The following TNNI3K variants were observed in gnomAD, a reference collection of about 807,000 sequenced individuals.
TNNI3K encodes TNNI3 interacting kinase.
TNNI3K carries 140 observed loss-of-function variants against 114.5 expected under a neutral mutation model. The observed-to-expected ratio is 1.22, with a 90% CI of 1.07 to 1.41. The LOEUF (loss-of-function observed/expected upper bound fraction) is 1.41. Among genes scored for constraint, TNNI3K ranks in the 40% most tolerant of loss-of-function variants. The pLI, the probability that TNNI3K is intolerant of heterozygous loss-of-function variation, is 0.00. For missense variants in TNNI3K, 1,125 were observed against 1,007.6 expected (o/e 1.12, Z -1.58); for synonymous variants, 347 against 347.5 (o/e 1.00, Z 0.02).
At position 74,422,974 on chromosome 1, in the gene TNNI3K, A is replaced by G. The variant is rs563035364; in HGVS notation, c.1773-13106A>G. ...CTTTCGGCTTTGTCTCAGTTGGTGG[A>G]TTCATGAGTAACCTGATCACATAAA... On this transcript the variant is annotated intron_variant, in intron 17 of 24. Transcript: ENST00000326637. Among the ~76,000 whole-genome samples, 6 of 152,294 alleles carry G rather than the reference A, an allele frequency of 3.9e-5. No homozygotes were observed. The South Asian group carries it at 1.0e-3, about 26-fold the overall frequency.
chr1:74,354,003 G>T lies in TNNI3K; in HGVS notation c.1051G>T (p.Gly351Cys), dbSNP rs777466193. 4 of 1,613,300 alleles carry T rather than the reference G, an allele frequency of 2.5e-6. No individual in the cohort carries two copies. Among genetic ancestry groups the T allele is most frequent in the South Asian group, 1.1e-5 (1 of 90,998 alleles). ...AGGATTACACTCTGCTTGCTACCAC[G>T]GTCACATTCGCCTGGTTCAGTTCTT... ...HTGLHSACYH[G>C]HIRLVQFLLD... is the part of the protein sequence containing the mutation. The change falls in exon 11 of 25, where the codon GGT becomes TGT. Residue 351 changes from glycine to cysteine, a missense_variant. Physicochemically the swap from Gly to Cys is radical, Grantham distance 159. Coordinates refer to ENST00000326637, the MANE Select transcript of TNNI3K (RefSeq NM_015978.3).
chr1:74,439,621 A>G lies in TNNI3K; in HGVS notation c.2010A>G (p.Pro670=), dbSNP rs1666288466. 1.2e-6 allele frequency: 2 copies of G among 1,613,250 alleles called. No individual in the cohort carries two copies. Among genetic ancestry groups the G allele is most frequent in the Admixed American group, 1.7e-5 (1 of 59,864 alleles). The change falls in exon 20 of 25, where the codon CCA becomes CCG. Residue 670 remains proline (P), a splice_region_variant and synonymous_variant. Coordinates refer to ENST00000326637, the MANE Select transcript of TNNI3K (RefSeq NM_015978.3). ...TGEIPFAHLK[P]AAAAADMAYH... is the part of the protein sequence containing the mutation. ...AAATTCCATTCGCTCATCTCAAGCC[A>G]GGTAAGACACACTGCAATTGAAGTT...
In TNNI3K at chr1:74,518,690, A is replaced by ATATT. The variant is rs1429816101; in HGVS notation, c.2352-21544_2352-21543insTATT. Among the ~76,000 whole-genome samples the ATATT allele has an allele frequency of 2.8e-4, 42 of 152,246 alleles. 1 individual carries two copies. In the South Asian group the frequency reaches 4.8e-3, roughly 17 times the overall value. On this transcript the variant is annotated intron_variant, in intron 23 of 24. Transcript: ENST00000326637. Reference sequence around the variant, plus strand: ...GTTTTCAAAACAATATCTGTTTTTTAAGCTCAAAATTATTATATTAGTGTT... The same window carrying ATATT: ...GTTTTCAAAACAATATCTGTTTTTTATATTAGCTCAAAATTATTATATTAGTGTT...
At chr1:74,328,069 GA>G (rs1350740743) in intron 5 of TNNI3K, among the ~76,000 whole-genome samples, 14 of 152,114 alleles carry the variant, frequency 9.2e-5, no homozygotes, top group African/African-American at 3.4e-4. Context: ...AATGTTTGAT[GA>G]ATTGAATTAT....
At chr1:74,420,037 C>T (rs775908188) in intron 17 of TNNI3K, among the ~76,000 whole-genome samples, 2 of 151,736 alleles carry the variant, frequency 1.3e-5, no homozygotes, top group Admixed American at 6.6e-5. Context: ...TTAGGAAGAG[C>T]GATAAGAGAA....
chr1:74,344,880 G>T (rs369042458), intron 9 of TNNI3K, among the ~76,000 whole-genome samples: 1 of 151,956 alleles, frequency 6.6e-6, no homozygotes, highest in South Asian at 2.1e-4. Flanking sequence ...CTCCTTTTAC[G>T]TGAGGAATTC....
At chr1:74,433,684 C>T (rs1016214064) in intron 17 of TNNI3K, among the ~76,000 whole-genome samples, 1 of 152,036 alleles carries the variant, frequency 6.6e-6, no homozygotes, top group African/African-American at 2.4e-5. Context: ...TTTTGTTTGA[C>T]TTGTTACTGT....
At chr1:74,429,864 G>A (rs530595226) in intron 17 of TNNI3K, among the ~76,000 whole-genome samples, 1 of 152,180 alleles carries the variant, frequency 6.6e-6, no homozygotes, top group South Asian at 2.1e-4. Context: ...CACCTTCAGG[G>A]ATACATCAGA....
intron 17 of TNNI3K, among the ~76,000 whole-genome samples, chr1:74,428,934 C>A (rs907927561): frequency 3.3e-5 from 5 of 152,062 alleles, no homozygotes; most frequent in East Asian, 1.9e-4. Flanking sequence ...CAGAGTGAGA[C>A]CCTGTCTCTG....
chr1:74,442,811 G>C (rs4650264), intron 20 of TNNI3K, among the ~76,000 whole-genome samples: 1,810 of 152,006 alleles, frequency 0.012, 17 homozygotes, highest in Admixed American at 0.021. Flanking sequence ...ATAACAAACA[G>C]TCTCTATGGC....
chr1:74,372,996 C>T (rs1285000081), intron 17 of TNNI3K: 1 of 151,782 alleles, frequency 6.6e-6, no homozygotes, highest in African/African-American at 2.4e-5. Context: ...GAGTCCCAAA[C>T]TATTGTATCA....
At chr1:74,511,878 A>G (rs566083149) in intron 23 of TNNI3K, among the ~76,000 whole-genome samples, 1 of 152,306 alleles carries the variant, frequency 6.6e-6, no homozygotes, top group South Asian at 2.1e-4. Context: ...GGGAACCTGC[A>G]CAGTACATTT....
In TNNI3K at chr1:74,509,434, A is replaced by G. The variant is rs146774785; in HGVS notation, c.2351+17168A>G. ...TACATAACAATAGAAAAGATTTAAG[A>G]TGCTTGAGAACTAACAAATCTAAAT... On this transcript the variant is annotated intron_variant, in intron 23 of 24. Coordinates refer to ENST00000326637, the MANE Select transcript of TNNI3K (RefSeq NM_015978.3). Among the ~76,000 whole-genome samples the G allele has an allele frequency of 5.7e-4, 87 of 152,338 alleles. No individual in the cohort carries two copies. In the East Asian group the frequency reaches 0.016, roughly 28 times the overall value.
chr1:74,273,859 CTAAT>C (rs1656504037), intron 5 of TNNI3K, among the ~76,000 whole-genome samples: 2 of 151,718 alleles, frequency 1.3e-5, no homozygotes, highest in African/African-American at 4.8e-5. Flanking sequence ...ATATGGGGGA[CTAAT>C]TAAATTATTG....
intron 11 of TNNI3K, among the ~76,000 whole-genome samples, chr1:74,363,129 A>G (rs1662059308): frequency 6.6e-6 from 1 of 152,076 alleles, no homozygotes; most frequent in Non-Finnish European, 1.5e-5. Flanking sequence ...ATCCATTATC[A>G]GGAGTTTGGC....
chr1:74,499,440 C>T (rs752286137), intron 23 of TNNI3K, among the ~76,000 whole-genome samples: 8 of 152,110 alleles, frequency 5.3e-5, no homozygotes, highest in Non-Finnish European at 8.8e-5. Flanking sequence ...CCCACAATAA[C>T]TTTTATTAAA....
chr1:74,270,382 A>G (rs1442630764), intron 4 of TNNI3K, among the ~76,000 whole-genome samples: 1 of 151,750 alleles, frequency 6.6e-6, no homozygotes, highest in East Asian at 1.9e-4. Context: ...AAAAAAACAA[A>G]ACTTTTTTTT....
intron 2 of TNNI3K, among the ~76,000 whole-genome samples, chr1:74,244,654 T>C (rs1382934733): frequency 2.0e-5 from 3 of 149,032 alleles, no homozygotes; most frequent in African/African-American, 7.5e-5. Context: ...TTTCCAGGAC[T>C]GATGCATTCA....
chr1:74,383,110 A>T (rs1663288572), intron 17 of TNNI3K, among the ~76,000 whole-genome samples: 1 of 151,496 alleles, frequency 6.6e-6, no homozygotes, highest in Admixed American at 6.6e-5. Context: ...AATGTGAAAG[A>T]CATTCTGAGT....
Sources: gnomAD v4.1 joint callset for allele counts (sites outside exome capture counted in the v4.1 genomes callset) on GRCh38, gnomAD v4.1.1 for gene constraint, MANE v1.5 for transcripts, NCBI Gene and HGNC (gene_info 2026-07-23, HGNC 2026-07-21) for gene names.